CERS6: variants seen among roughly 807,000 people sequenced by gnomAD.
CERS6 encodes the protein ceramide synthase 6.
In CERS6, 26 loss-of-function variants were observed where a neutral mutation model predicts 56.8. The observed-to-expected ratio is 0.46, with a 90% CI of 0.34 to 0.63. The LOEUF (loss-of-function observed/expected upper bound fraction) is 0.63. Among genes scored for constraint, CERS6 ranks in the 30% least tolerant of loss-of-function variants. The pLI is 0.01. For synonymous variants in CERS6, 164 were observed against 173.3 expected (o/e 0.95, Z 0.42); for missense variants, 415 against 467.5 (o/e 0.89, Z 1.04).
intron 1 of CERS6, among the ~76,000 whole-genome samples, chr2:168,473,327 A>C (rs1033039505): frequency 6.6e-6 from 1 of 151,816 alleles, no homozygotes; most frequent in Admixed American, 6.6e-5. Context: ...TTGTGCTGCT[A>C]TCTCTGTTTG....
rs540783469 is a variant in CERS6 at position 168,468,223 on chromosome 2, G to C, written c.170+11605G>C. Among the ~76,000 whole-genome samples the C allele has an allele frequency of 3.5e-4, 53 of 152,310 alleles. No homozygotes were observed. The South Asian group carries it at 0.011, about 31-fold the overall frequency. On this transcript the variant is annotated intron_variant, in intron 1 of 9. Transcript: ENST00000305747. ...TTGGAGAGAGACCCCCATCCCCAAA[G>C]ATGGTCTCCCTCTGGGTGGAGTTTT... is the stretch of plus-strand genomic sequence containing the variant.
chr2:168,491,454 A>AT (rs954415139), intron 1 of CERS6, among the ~76,000 whole-genome samples: 1 of 151,490 alleles, frequency 6.6e-6, no homozygotes, highest in African/African-American at 2.4e-5. Flanking sequence ...ATATTAGTAT[A>AT]TTTTCTGTGC....
chr2:168,557,639 G>A (rs1695708737), intron 2 of CERS6, among the ~76,000 whole-genome samples: 2 of 152,202 alleles, frequency 1.3e-5, no homozygotes, highest in South Asian at 4.1e-4. Flanking sequence ...TATTCCAAAT[G>A]TACTAAAGAT....
chr2:168,575,621 G>A (rs971664939), intron 3 of CERS6, among the ~76,000 whole-genome samples: 3 of 152,136 alleles, frequency 2.0e-5, no homozygotes, highest in African/African-American at 7.2e-5. Context: ...ATAAATGTTA[G>A]CTATTATACT....
At chr2:168,505,077 A>G (rs1694651705) in intron 1 of CERS6, among the ~76,000 whole-genome samples, 2 of 152,098 alleles carry the variant, frequency 1.3e-5, no homozygotes, top group African/African-American at 2.4e-5. Context: ...CCCTAATGAG[A>G]AAAAGAAATA....
chr2:168,664,788 T>A (rs1460829719), intron 4 of CERS6, among the ~76,000 whole-genome samples: 1 of 152,232 alleles, frequency 6.6e-6, no homozygotes, highest in Non-Finnish European at 1.5e-5. Flanking sequence ...AACGTCTTTA[T>A]GACCTGTATT....
chr2:168,626,234 G>T (rs1684587549), intron 3 of CERS6, among the ~76,000 whole-genome samples: 1 of 152,146 alleles, frequency 6.6e-6, no homozygotes, highest in Non-Finnish European at 1.5e-5. Flanking sequence ...GTGCTTAGAA[G>T]AACTCAGGGG....
At chr2:168,553,785 G>A (rs192130323) in intron 2 of CERS6, among the ~76,000 whole-genome samples, 52 of 152,222 alleles carry the variant, frequency 3.4e-4, no homozygotes, top group African/African-American at 1.2e-3. Flanking sequence ...TCTAAGGAAT[G>A]GTGACAGACA....
intron 4 of CERS6, among the ~76,000 whole-genome samples, chr2:168,662,985 A>G (rs1458579698): frequency 3.3e-5 from 5 of 152,220 alleles, no homozygotes; most frequent in African/African-American, 9.6e-5. Flanking sequence ...CCAGTCATAA[A>G]TGAAAGCCTG....
At chr2:168,563,292 G>T (rs1479944186) in intron 3 of CERS6, among the ~76,000 whole-genome samples, 6 of 152,126 alleles carry the variant, frequency 3.9e-5, no homozygotes, top group Admixed American at 3.9e-4. Flanking sequence ...GTCATTATGT[G>T]CATACCACAA....
chr2:168,562,883 C>T (rs1320764812), intron 3 of CERS6, among the ~76,000 whole-genome samples: 1 of 152,186 alleles, frequency 6.6e-6, no homozygotes, highest in African/African-American at 2.4e-5. Flanking sequence ...ACAGTTGCTT[C>T]CCAGCTTGGC....
At chr2:168,535,142 T>C (rs1382127326) in intron 1 of CERS6, among the ~76,000 whole-genome samples, 1 of 152,212 alleles carries the variant, frequency 6.6e-6, no homozygotes, top group Non-Finnish European at 1.5e-5. Flanking sequence ...GCTTAGCATG[T>C]TAAGCAGTGT....
chr2:168,606,852 TG>T (rs1684064423), intron 3 of CERS6, among the ~76,000 whole-genome samples: 1 of 152,174 alleles, frequency 6.6e-6, no homozygotes, highest in Non-Finnish European at 1.5e-5. Flanking sequence ...TCATGAGATC[TG>T]GTTGTTTAAA....
chr2:168,714,970 C>T (rs1687191453), intron 6 of CERS6, 31 bp from the exon 7 acceptor site: 1 of 1,587,620 alleles, frequency 6.3e-7, no homozygotes, highest in African/African-American at 1.4e-5. Flanking sequence ...TGTTGCTAAA[C>T]TCTAATATGG....
chr2:168,594,687 T>C (rs1166449716), intron 3 of CERS6, among the ~76,000 whole-genome samples: 2 of 152,186 alleles, frequency 1.3e-5, no homozygotes, highest in African/African-American at 2.4e-5. Context: ...TAAGTCCTGC[T>C]TACCCTTCAA....
intron 6 of CERS6, among the ~76,000 whole-genome samples, chr2:168,712,567 G>C (rs1687119943): frequency 6.6e-6 from 1 of 152,182 alleles, no homozygotes; most frequent in Admixed American, 6.5e-5. Flanking sequence ...ACGTAGAACA[G>C]TTACATATCA....
chr2:168,708,124 G>C (rs1687004027), intron 6 of CERS6, among the ~76,000 whole-genome samples: 1 of 152,024 alleles, frequency 6.6e-6, no homozygotes, highest in African/African-American at 2.4e-5. Flanking sequence ...AGGCTGAGAA[G>C]CTATTATATT....
chr2:168,614,758 G>T (rs1267452610), intron 3 of CERS6, among the ~76,000 whole-genome samples: 19 of 152,064 alleles, frequency 1.2e-4, no homozygotes. Flanking sequence ...GCCTAGCCTT[G>T]CCCCAACCTG....
At chr2:168,700,046 G>A (rs1250143005) in intron 6 of CERS6, among the ~76,000 whole-genome samples, 1 of 152,244 alleles carries the variant, frequency 6.6e-6, no homozygotes, top group Non-Finnish European at 1.5e-5. Flanking sequence ...AGCATCCCTG[G>A]CAGAGTTCCA....
Sources: allele counts gnomAD v4.1 joint callset (sites outside exome capture counted in the v4.1 genomes callset), GRCh38; gene constraint gnomAD v4.1.1; transcripts MANE v1.5; gene names NCBI Gene and HGNC (gene_info 2026-07-23, HGNC 2026-07-21).